The following TECPR1 variants were observed in gnomAD, a reference collection of about 807,000 sequenced individuals.
TECPR1 encodes tectonin beta-propeller repeat-containing protein 1.
TECPR1 carries 122 observed loss-of-function variants against 162.4 expected under a neutral mutation model. That is an observed-to-expected ratio of 0.75 (90% CI 0.65 to 0.87). TECPR1 has a LOEUF of 0.87. Among genes scored for constraint, TECPR1 ranks in the 40% least tolerant of loss-of-function variants. The pLI, the probability that TECPR1 is intolerant of heterozygous loss-of-function variation, is 0.00. For synonymous variants in TECPR1, 642 were observed against 670.6 expected, an observed-to-expected ratio of 0.96 and a Z score of 0.66; for missense variants, 1,432 against 1,618.2, an observed-to-expected ratio of 0.88 and a Z score of 1.97.
At chr7:98,244,714 C>G in intron 4 of TECPR1, 21 bp from the exon 5 acceptor site, 1 of 1,599,614 alleles carries the variant, frequency 6.3e-7, no homozygotes, top group Non-Finnish European at 8.5e-7. Flanking sequence ...AAGGAAGGGG[C>G]TCTCAGGCTC....
Position 98,232,839 on chromosome 7 carries a change from C to G in TECPR1, c.1806G>C (p.Gln602His). ...CCGGGGCACCCACCTGCTCCACGGC[C>G]TGCTCGTAGTGTCTGAAGTTCTCCA... The part of the protein sequence containing the change: ...RELENFRHYE[Q>H]AVEQSVWVKT... Residue 602 changes from glutamine to histidine, a missense_variant, in exon 12 of 26, where the codon CAG (glutamine) becomes CAC (histidine). Physicochemically the swap from Gln to His is conservative, Grantham distance 24. Coordinates refer to ENST00000447648, the MANE Select transcript of TECPR1 (RefSeq NM_015395.3). This position sits in a 1 kb window ranked among gnomAD's most constrained non-coding sequence, Gnocchi z 4.6. 1 of 1,603,210 alleles carries G rather than the reference C, an allele frequency of 6.2e-7. No individual in the cohort carries two copies. Among genetic ancestry groups the G allele is most frequent in the Non-Finnish European group, 8.5e-7 (1 of 1,175,762 alleles).
In TECPR1 at chr7:98,215,334, A is replaced by C. The variant is rs1458517286; in HGVS notation, c.*2056T>G. ...TGCCCCCACTGTAATTGTGCTGAAA[A>C]TGTTTCTCAAATGACCCAAATTGGC... On this transcript the variant is annotated 3_prime_UTR_variant, in exon 26 of 26. Coordinates refer to ENST00000447648, the MANE Select transcript of TECPR1 (RefSeq NM_015395.3). 6.6e-6 allele frequency: 1 copy of C among 152,248 alleles called. No individual in the cohort carries two copies. Among genetic ancestry groups the C allele is most frequent in the African/African-American group, 2.4e-5 (1 of 41,452 alleles). The allele number at this position is 152,248 out of a possible 1,614,324, so 9.4% of individuals were successfully genotyped here.
In TECPR1 at chr7:98,236,928, G is replaced by C; in HGVS notation, c.1036-7C>G. 1 of 1,542,396 alleles carries C rather than the reference G, an allele frequency of 6.5e-7. No individual in the cohort carries two copies. The highest frequency in any genetic ancestry group is 8.8e-7 in the Non-Finnish European group (1 of 1,142,540). ...CACAGCCAATGCCCCACACCTGGAA[G>C]AGAGAGGCTGTGTTCCGAGGAATCT... On this transcript the variant is annotated splice_region_variant and splice_polypyrimidine_tract_variant and intron_variant, in intron 9 of 25. Coordinates refer to ENST00000447648, the MANE Select transcript of TECPR1 (RefSeq NM_015395.3).
At chr7:98,243,730 G>T in intron 5 of TECPR1, 138 bp from the exon 6 acceptor site, 2 of 1,201,346 alleles carry the variant, frequency 1.7e-6, no homozygotes, top group Non-Finnish European at 2.3e-6. Flanking sequence ...AGGGAAGGCA[G>T]CATCAGGACT....
rs748336081 is a variant in TECPR1, at chr7:98,243,501, C to A, written c.623G>T (p.Arg208Leu). The change falls in exon 6 of 26, where the codon CGC becomes CTC. Residue 208 changes from arginine (R) to leucine (L), a missense_variant. Transcript: ENST00000447648. ...CAGAGACACAGCCCACACTGACAGG[C>A]GGCCCACAGGCTCCTCCGTGATCTC... ...GWEITEEPVG[R>L]LSVWAVSLQG... 6 of 1,612,598 alleles carry A rather than the reference C, an allele frequency of 3.7e-6. No individual in the cohort carries two copies. Among genetic ancestry groups the A allele is most frequent in the Admixed American group, 1.7e-5 (1 of 60,010 alleles).
At chr7:98,233,947 G>A (rs1418436697) in intron 10 of TECPR1, 36 bp from the exon 11 acceptor site, 1 of 1,478,002 alleles carries the variant, frequency 6.8e-7, no homozygotes, top group Non-Finnish European at 9.0e-7. Context: ...TCACTCCCTT[G>A]CAGGGGAACA....
chr7:98,234,044 G>T, intron 10 of TECPR1, 133 bp from the exon 11 acceptor site: 2 of 1,214,030 alleles, frequency 1.6e-6, no homozygotes, highest in East Asian at 2.6e-5. Context: ...CTGAACTCCT[G>T]TCTCTTCCTC....
intron 4 of TECPR1, 45 bp downstream of exon 4, chr7:98,244,840 C>A: frequency 1.2e-6 from 2 of 1,602,532 alleles, no homozygotes; most frequent in South Asian, 1.1e-5. Context: ...GCGGGAGGCA[C>A]CCCCTCCCCA....
chr7:98,242,806 T>G (rs1427666284), intron 6 of TECPR1, among the ~76,000 whole-genome samples: 1 of 127,372 alleles, frequency 7.9e-6, no homozygotes, highest in Non-Finnish European at 1.6e-5. Flanking sequence ...CACCCATCCA[T>G]CCATCCGCAC....
chr7:98,217,662 A>C (rs1432888367), intron 25 of TECPR1, 30 bp downstream of exon 25: 5 of 1,524,534 alleles, frequency 3.3e-6, no homozygotes, highest in Non-Finnish European at 4.4e-6. Context: ...CAAGGTGATA[A>C]CACAGCCCAA....
At chr7:98,243,372 C>A in intron 6 of TECPR1, 95 bp downstream of exon 6, 2 of 1,516,552 alleles carry the variant, frequency 1.3e-6, no homozygotes, top group Non-Finnish European at 1.8e-6. Flanking sequence ...GGGGCCGGGG[C>A]TCCGGGGAGG....
At position 98,222,415 on chromosome 7, in the gene TECPR1, C is replaced by T. The variant is rs984299336; in HGVS notation, c.3035G>A (p.Arg1012Gln). 10 of 1,597,154 alleles carry T rather than the reference C, an allele frequency of 6.3e-6. No homozygotes were observed. The highest frequency in any genetic ancestry group is 2.3e-5 in the South Asian group (2 of 88,242). The change falls in exon 22 of 26, where the codon CGG becomes CAG. Residue 1012 changes from arginine to glutamine, a missense_variant. Arg to Gln is a conservative substitution (Grantham distance 43, BLOSUM62 1). Coordinates refer to ENST00000447648, the MANE Select transcript of TECPR1 (RefSeq NM_015395.3). ...AVARDGSAFY[R>Q]GSVYPSQPAG... is the part of the protein sequence containing the mutation. ...TGGCTGCGAGGGGTACACGGATCCC[C>T]GGTAGAAGGCGGAGCCGTCCCTTGC...
At position 98,244,938 on chromosome 7, in the gene TECPR1, C is replaced by T; in HGVS notation, c.355G>A (p.Glu119Lys). The T allele has an allele frequency of 1.9e-6, 3 of 1,613,074 alleles. No individual in the cohort carries two copies. In the South Asian group the frequency reaches 3.3e-5, roughly 18 times the overall value. ...TTCTCATCCACGTACCAGTCAGACT[C>T]CCACTCCCAGTGCGGCGAGGGCAGT... ...VALPSPHWEW[E>K]SDWYVDENFG... Residue 119 changes from glutamate (E) to lysine (K), a missense_variant, in exon 4 of 26, where the codon GAG (glutamate) becomes AAG (lysine). Coordinates refer to ENST00000447648, the MANE Select transcript of TECPR1 (RefSeq NM_015395.3).
chr7:98,222,735 C>T (rs573277629), intron 21 of TECPR1: 53 of 782,518 alleles, frequency 6.8e-5, no homozygotes, highest in Admixed American at 4.2e-4. Flanking sequence ...CCCCCGTGGG[C>T]GTGTGCACCT....
chr7:98,238,837 G>C (rs1344183877), intron 8 of TECPR1, among the ~76,000 whole-genome samples: 1 of 152,202 alleles, frequency 6.6e-6, no homozygotes, highest in Non-Finnish European at 1.5e-5. Context: ...AGGGCTGAGG[G>C]TCCTCTGGCC....
intron 23 of TECPR1, among the ~76,000 whole-genome samples, chr7:98,218,255 T>C (rs1265647481): frequency 6.6e-6 from 1 of 152,200 alleles, no homozygotes; most frequent in African/African-American, 2.4e-5. Flanking sequence ...CTCCGCCTTC[T>C]GCACACTCGG....
intron 9 of TECPR1, 119 bp from the exon 10 acceptor site, chr7:98,237,040 A>C: frequency 8.5e-7 from 1 of 1,175,678 alleles, no homozygotes. Flanking sequence ...TGGGCTGGGA[A>C]GGTCCATGCT....
chr7:98,217,198 T>C lies in TECPR1; in HGVS notation c.*192A>G. ...TCGCAGACGGGGACACGTGTGGGAG[T>C]GTCCGCGGAGCTTCACATTTCAGGG... On this transcript the variant is annotated 3_prime_UTR_variant, in exon 26 of 26. Transcript: ENST00000447648. 1 of 566,904 alleles carries C rather than the reference T, an allele frequency of 1.8e-6. No individual in the cohort carries two copies. Among genetic ancestry groups the C allele is most frequent in the Non-Finnish European group, 3.1e-6 (1 of 319,142 alleles). 35.1% of individuals were successfully genotyped at this position (566,904 alleles called of 1,614,324 possible).
In TECPR1 at chr7:98,217,721, T is replaced by C. The variant is rs917781032; in HGVS notation, c.3355A>G (p.Lys1119Glu). 2 of 1,549,066 alleles carry C rather than the reference T, an allele frequency of 1.3e-6. No individual in the cohort carries two copies. Among genetic ancestry groups the C allele is most frequent in the African/African-American group, 1.4e-5 (1 of 73,034 alleles). ...ATGCCGTAGTCCCAGCCGTGGCCCT[T>C]GGGCTCGTGAGGCTGCACGCCGGTG... ...HRTGVQPHEP[K>E]GHGWDYGIGG... is the part of the protein sequence containing the mutation. Residue 1119 changes from lysine (K) to glutamate (E), a missense_variant, in exon 25 of 26, where the codon AAG (lysine) becomes GAG (glutamate). Physicochemically the swap from Lys to Glu is moderately conservative, Grantham distance 56. Transcript: ENST00000447648.
Sources: gnomAD v4.1 joint callset for allele counts (sites outside exome capture counted in the v4.1 genomes callset) on GRCh38, gnomAD v4.1.1 for gene constraint, Gnocchi (gnomAD v3.1) non-coding constraint, MANE v1.5 for transcripts, NCBI Gene and HGNC (gene_info 2026-07-23, HGNC 2026-07-21) for gene names.